ZNF410: variants seen among roughly 807,000 people sequenced by gnomAD.
The protein encoded by ZNF410 is another partner for ARF 1.
Under a neutral mutation model 54.8 loss-of-function variants are expected in ZNF410, and 18 were observed. The observed-to-expected ratio is 0.33, with a 90% CI of 0.23 to 0.49. ZNF410 has a LOEUF of 0.49. Ranked by LOEUF, ZNF410 falls within the 20% of genes least tolerant of loss-of-function variation. The probability of loss-of-function intolerance (pLI) is 0.99; values close to 1 mark genes in which losing one functional copy is unlikely to be tolerated. For synonymous variants in ZNF410, 191 were observed against 207.3 expected, an observed-to-expected ratio of 0.92 and a Z score of 0.68; for missense variants, 405 against 569.6, an observed-to-expected ratio of 0.71 and a Z score of 2.94.
chr14:73,905,968 C>CACACATATATATATAT (rs1461702433), intron 7 of ZNF410, among the ~76,000 whole-genome samples: 5 of 78,940 alleles, frequency 6.3e-5, no homozygotes, highest in African/African-American at 2.1e-4. Flanking sequence ...CACACACACA[C>CACACATATATATATAT]ATATATATAT....
chr14:73,905,200 C>A, intron 7 of ZNF410, 117 bp downstream of exon 7: 2 of 1,059,998 alleles, frequency 1.9e-6, no homozygotes, highest in Non-Finnish European at 2.7e-6. Context: ...GTTGCTAGAA[C>A]TCTGAAGATG....
In ZNF410 at chr14:73,923,478, C is replaced by G. The variant is rs771978619; in HGVS notation, c.1354C>G (p.Gln452Glu). 3 of 1,613,874 alleles carry G rather than the reference C, an allele frequency of 1.9e-6. No homozygotes were observed. The South Asian group carries it at 3.3e-5, about 18-fold the overall frequency. Residue 452 changes from glutamine to glutamate, a missense_variant, in exon 11 of 12, where the codon CAA becomes GAA. By Grantham distance (29) the Gln-to-Glu change is conservative. Transcript: ENST00000555044. Reference protein sequence around the residue: ...HHLVTMQSGRQSYEVSVLTAV... With the variant: ...HHLVTMQSGRESYEVSVLTAV... The stretch of plus-strand genomic sequence containing the variant: ...CCTGGTGACCATGCAGTCAGGGAGG[C>G]AATCATATGAAGTTTCTGTCTTAAC...
chr14:73,931,102 A>G (rs1349435716), intron 11 of ZNF410, among the ~76,000 whole-genome samples: 1 of 152,142 alleles, frequency 6.6e-6, no homozygotes, highest in Admixed American at 6.5e-5. Flanking sequence ...ATAAAGGAAC[A>G]GCTCCTCTTC....
chr14:73,908,403 A>G lies in ZNF410; in HGVS notation c.914-938A>G, dbSNP rs546879339. On this transcript the variant is annotated intron_variant, in intron 7 of 11. Coordinates refer to ENST00000555044, the MANE Select transcript of ZNF410 (RefSeq NM_021188.3). ...TTTTTTTACATTTGTTCTGTTATAT[A>G]TATTAGTATATTGCTCATTCTTTCA... Among the ~76,000 whole-genome samples the G allele has an allele frequency of 5.9e-5, 9 of 152,116 alleles. No individual in the cohort carries two copies. In the East Asian group the frequency reaches 1.3e-3, roughly 23 times the overall value.
rs751908500 is a variant in ZNF410, at chr14:73,904,084, C to T, written c.705C>T (p.His235=). Residue 235 remains histidine (H), a synonymous_variant, in exon 6 of 12, where the codon CAC becomes CAT. Transcript: ENST00000555044. ...ACCGGACATTTGTATGGCCAGCTCA[C>T]TTTAAATACCACCTCAAGACTCATC... ...GCDRTFVWPA[H]FKYHLKTHRN... 1.2e-6 allele frequency: 2 copies of T among 1,614,022 alleles called. No homozygotes were observed. Among genetic ancestry groups the T allele is most frequent in the South Asian group, 1.1e-5 (1 of 91,094 alleles).
At chr14:73,931,118 T>G (rs926753686) in intron 11 of ZNF410, among the ~76,000 whole-genome samples, 1 of 152,148 alleles carries the variant, frequency 6.6e-6, no homozygotes, top group Non-Finnish European at 1.5e-5. Context: ...TCTTCCTATT[T>G]CCTTCTCCTA....
Position 73,896,377 on chromosome 14 carries a change from C to G in ZNF410, c.231C>G (p.Ser77Arg), listed in dbSNP as rs771116531. The G allele has an allele frequency of 6.2e-7, 1 of 1,614,180 alleles. No individual in the cohort carries two copies. Among genetic ancestry groups the G allele is most frequent in the South Asian group, 1.1e-5 (1 of 91,086 alleles). Reference protein sequence around the residue: ...KEVPSSAVLRSLRVNVGPDGE... With the variant: ...KEVPSSAVLRRLRVNVGPDGE... ...TCCCTTCCTCAGCTGTTTTGAGAAG[C>G]CTTCGGGTGAATGTGGGTCCAGACG... The change falls in exon 4 of 12, where the codon AGC (serine) becomes AGG (arginine). Residue 77 changes from serine to arginine, a missense_variant. By Grantham distance (110) the Ser-to-Arg change is moderately radical. Transcript: ENST00000555044.
At chr14:73,928,441 CATG>C (rs953587794) in intron 11 of ZNF410, among the ~76,000 whole-genome samples, 1 of 152,156 alleles carries the variant, frequency 6.6e-6, no homozygotes, top group Non-Finnish European at 1.5e-5. Context: ...TCTTACAAGG[CATG>C]ATTTTATCCT....
intron 5 of ZNF410, among the ~76,000 whole-genome samples, chr14:73,900,428 G>A (rs1156688856): frequency 6.7e-6 from 1 of 148,950 alleles, no homozygotes; most frequent in Admixed American, 6.7e-5. Flanking sequence ...AGGCTGGAGT[G>A]CAGCGGCGCA....
chr14:73,895,501 A>G (rs1002721568), intron 3 of ZNF410: 2 of 152,178 alleles, frequency 1.3e-5, no homozygotes, highest in East Asian at 1.9e-4. Flanking sequence ...TAACCAAGAT[A>G]TGGAATCAGC....
At chr14:73,918,988 G>A (rs544059960) in intron 8 of ZNF410, among the ~76,000 whole-genome samples, 127 of 131,714 alleles carry the variant, frequency 9.6e-4, no homozygotes, top group African/African-American at 3.3e-3. Flanking sequence ...GTAAGCCACC[G>A]TGCCCGGCCT....
At chr14:73,891,035 C>G (rs146005970) in intron 1 of ZNF410, among the ~76,000 whole-genome samples, 2,419 of 152,038 alleles carry the variant, frequency 0.016, 55 homozygotes, top group African/African-American at 0.056. Context: ...AGAGAGAGAA[C>G]AGCCGCATCA....
At chr14:73,930,973 T>C (rs2055903429) in intron 11 of ZNF410, among the ~76,000 whole-genome samples, 1 of 152,194 alleles carries the variant, frequency 6.6e-6, no homozygotes, top group South Asian at 2.1e-4. Context: ...GCCTTGTGTA[T>C]AGAGTAGAAT....
chr14:73,908,796 T>A (rs894178676), intron 7 of ZNF410, among the ~76,000 whole-genome samples: 5 of 152,058 alleles, frequency 3.3e-5, no homozygotes, highest in Non-Finnish European at 5.9e-5. Context: ...TGTCTCACAC[T>A]AGTTTGTGAC....
intron 2 of ZNF410, 67 bp from the exon 3 acceptor site, chr14:73,893,730 T>C (rs1205258299): frequency 6.6e-7 from 1 of 1,518,592 alleles, no homozygotes. Flanking sequence ...TATCTTTTGG[T>C]AAATTCAAAG....
intron 7 of ZNF410, among the ~76,000 whole-genome samples, chr14:73,905,968 C>CACATATATATAT (rs1461702433): frequency 2.2e-4 from 17 of 78,916 alleles, no homozygotes; most frequent in African/African-American, 6.3e-4. Context: ...CACACACACA[C>CACATATATATAT]ATATATATAT....
Position 73,896,592 on chromosome 14 carries a change from G to T in ZNF410, c.388+58G>T, listed in dbSNP as rs879242780. On this transcript the variant is annotated intron_variant, in intron 4 of 11. Coordinates refer to ENST00000555044, the MANE Select transcript of ZNF410 (RefSeq NM_021188.3). ...GCCTAAGAAAAAAATTAGGGGTGGG[G>T]CATATTTAACTTAGTCATACTTAAA... The T allele has an allele frequency of 5.8e-5, 80 of 1,371,046 alleles. No individual in the cohort carries two copies. In the African/African-American group the frequency reaches 1.1e-3, roughly 19 times the overall value. 84.9% of individuals were successfully genotyped at this position (1,371,046 alleles called of 1,614,324 possible).
chr14:73,894,334 A>G (rs2055277474), intron 3 of ZNF410: 2 of 702,686 alleles, frequency 2.8e-6, no homozygotes, highest in Non-Finnish European at 5.2e-6. Context: ...AGGGACTAAA[A>G]GGACTCCATT....
chr14:73,893,674 T>C (rs1002387903), intron 2 of ZNF410, 123 bp from the exon 3 acceptor site: 1 of 1,075,174 alleles, frequency 9.3e-7, no homozygotes, highest in Admixed American at 3.2e-5. Flanking sequence ...TTATGTTGTT[T>C]AGTTTTTGTT....
Sources: allele counts gnomAD v4.1 joint callset (sites outside exome capture counted in the v4.1 genomes callset), GRCh38; gene constraint gnomAD v4.1.1; transcripts MANE v1.5; gene names NCBI Gene and HGNC (gene_info 2026-07-23, HGNC 2026-07-21).